Variants in RAD51B observed in about 807,000 individuals in gnomAD.
RAD51B encodes the protein RAD51 paralog B, also known as DNA repair protein RAD51 homolog 2.
Under a neutral mutation model 42.2 loss-of-function variants are expected in RAD51B, and 38 were observed. The observed-to-expected ratio is 0.90, with a 90% CI of 0.70 to 1.18. The LOEUF (loss-of-function observed/expected upper bound fraction) is 1.18. Among genes scored for constraint, RAD51B ranks in the 50% most tolerant of loss-of-function variants. The pLI, the probability that RAD51B is intolerant of heterozygous loss-of-function variation, is 0.00. For synonymous variants in RAD51B, 154 were observed against 145.2 expected (o/e 1.06, Z -0.43); for missense variants, 373 against 400.7 (o/e 0.93, Z 0.59).
At chr14:68,395,647 G>T (rs1483927482) in intron 8 of RAD51B, among the ~76,000 whole-genome samples, 1 of 152,128 alleles carries the variant, frequency 6.6e-6, no homozygotes, top group Non-Finnish European at 1.5e-5. Context: ...GGCTTCTGTG[G>T]ATCTGGTACA....
intron 7 of RAD51B, among the ~76,000 whole-genome samples, chr14:68,150,152 T>C (rs1358027022): frequency 6.6e-6 from 1 of 152,092 alleles, no homozygotes; most frequent in African/African-American, 2.4e-5. Context: ...ACCATGTTGG[T>C]CAGGCTAGTC....
intron 10 of RAD51B, among the ~76,000 whole-genome samples, chr14:68,633,918 G>A (rs1892289769): frequency 1.3e-5 from 2 of 152,262 alleles, no homozygotes; most frequent in East Asian, 1.9e-4. Context: ...GTGGTAGCCA[G>A]AAGCAACTGC....
downstream of RAD51B, among the ~76,000 whole-genome samples, chr14:68,613,083 A>G (rs1442988520): frequency 1.3e-5 from 2 of 152,188 alleles, no homozygotes; most frequent in African/African-American, 2.4e-5. Flanking sequence ...CCCATGACTA[A>G]TAGTCCAGGT....
At chr14:68,412,012 A>G (rs2084434259) in intron 9 of RAD51B, among the ~76,000 whole-genome samples, 1 of 152,226 alleles carries the variant, frequency 6.6e-6, no homozygotes, top group South Asian at 2.1e-4. Context: ...AAAGTACTGA[A>G]TGATGCTAGA....
intron 7 of RAD51B, among the ~76,000 whole-genome samples, chr14:67,926,972 C>T (rs1445221659): frequency 6.6e-6 from 1 of 152,206 alleles, no homozygotes; most frequent in Non-Finnish European, 1.5e-5. Context: ...TGAAAACCTT[C>T]AGTAACTCAT....
Position 67,921,567 on chromosome 14 carries a change from TCACACACACACACACACACACACACA to T in RAD51B, c.756+34394_756+34419del, listed in dbSNP as rs3219795. ...CTATGTGCATGTACATATGTGCACA[TCACACACACACACACACACACACACA>T]CACACACACACACACACACACACAC... On this transcript the variant is annotated intron_variant, in intron 7 of 10. Coordinates refer to ENST00000471583, the MANE Select transcript of RAD51B (RefSeq NM_133510.4). Among the ~76,000 whole-genome samples, 18 of 125,946 alleles carry T rather than the reference TCACACACACACACACACACACACACA, an allele frequency of 1.4e-4. No homozygotes were observed. In the South Asian group the frequency reaches 2.1e-3, roughly 14 times the overall value. The allele number at this position is 125,946 out of a possible 152,430, so 82.6% of individuals were successfully genotyped here. A position where few individuals can be genotyped will look rare whatever the true frequency, so the allele number is the denominator to read the frequency against.
chr14:68,667,151 G>A (rs367745279), intron 11 of RAD51B, among the ~76,000 whole-genome samples: 12 of 152,230 alleles, frequency 7.9e-5, no homozygotes, highest in African/African-American at 2.7e-4. Context: ...GGGAATTGAC[G>A]TATGTGACGG....
intron 3 of RAD51B, among the ~76,000 whole-genome samples, chr14:67,833,050 C>A (rs532059261): frequency 2.2e-4 from 34 of 152,246 alleles, no homozygotes; most frequent in African/African-American, 7.9e-4. Context: ...TGTATAATTT[C>A]TTGTGGACAA....
chr14:68,343,190 A>G (rs960030601), intron 8 of RAD51B, among the ~76,000 whole-genome samples: 5 of 152,200 alleles, frequency 3.3e-5, no homozygotes, highest in Non-Finnish European at 1.5e-5. Context: ...TGTACAGTAC[A>G]TAATTATTCA....
chr14:68,586,528 A>G (rs572502091), intron 10 of RAD51B, among the ~76,000 whole-genome samples: 13 of 152,310 alleles, frequency 8.5e-5, no homozygotes, highest in Admixed American at 3.9e-4. Context: ...ACCAGGGAGT[A>G]AAGGGAGACC....
At chr14:68,569,473 A>G (rs1359059013) in intron 10 of RAD51B, among the ~76,000 whole-genome samples, 1 of 152,228 alleles carries the variant, frequency 6.6e-6, no homozygotes, top group Non-Finnish European at 1.5e-5. Flanking sequence ...CACAAGTTAC[A>G]GGGAACCTGT....
intron 10 of RAD51B, among the ~76,000 whole-genome samples, chr14:68,566,478 T>C (rs1166473472): frequency 2.0e-5 from 3 of 152,216 alleles, no homozygotes; most frequent in South Asian, 2.1e-4. Flanking sequence ...GCACTGCTTG[T>C]CTTGTATGCC....
At chr14:68,128,565 G>A (rs10873212) in intron 7 of RAD51B, among the ~76,000 whole-genome samples, 15,685 of 152,082 alleles carry the variant, frequency 0.1, 2,455 homozygotes, top group African/African-American at 0.34. Flanking sequence ...GGTGTTACAC[G>A]CCTGTAGCCC....
chr14:68,583,660 T>C (rs1890315251), intron 10 of RAD51B, among the ~76,000 whole-genome samples: 1 of 152,152 alleles, frequency 6.6e-6, no homozygotes, highest in South Asian at 2.1e-4. Context: ...TGAGCACACA[T>C]GTGTGGGCAC....
At chr14:68,415,384 T>A (rs548622461) in intron 9 of RAD51B, among the ~76,000 whole-genome samples, 1 of 152,156 alleles carries the variant, frequency 6.6e-6, no homozygotes, top group Admixed American at 6.5e-5. Flanking sequence ...GAGCAGAGGG[T>A]TTGGGCACTC....
At chr14:68,013,408 T>C (rs930548405) in intron 7 of RAD51B, among the ~76,000 whole-genome samples, 2 of 152,142 alleles carry the variant, frequency 1.3e-5, no homozygotes, top group African/African-American at 4.8e-5. Context: ...GACTCTACCA[T>C]GTGATGGGTG....
intron 5 of RAD51B, among the ~76,000 whole-genome samples, chr14:67,869,970 G>A (rs1215343876): frequency 1.1e-4 from 16 of 151,588 alleles, no homozygotes; most frequent in South Asian, 6.3e-4. Flanking sequence ...GGTACCAGCC[G>A]CTGCAAAATC....
At chr14:68,121,911 A>G (rs2077658559) in intron 7 of RAD51B, among the ~76,000 whole-genome samples, 1 of 151,990 alleles carries the variant, frequency 6.6e-6, no homozygotes, top group Non-Finnish European at 1.5e-5. Flanking sequence ...GGGACATCCA[A>G]AAATAAATGT....
chr14:67,831,536 C>T (rs2041045904), intron 3 of RAD51B, among the ~76,000 whole-genome samples: 1 of 151,910 alleles, frequency 6.6e-6, no homozygotes, highest in African/African-American at 2.4e-5. Flanking sequence ...TCTGTTAGTT[C>T]ATTTTATTCC....
Sources: gnomAD v4.1 joint callset for allele counts (sites outside exome capture counted in the v4.1 genomes callset) on GRCh38, gnomAD v4.1.1 for gene constraint, MANE v1.5 for transcripts, NCBI Gene and HGNC (gene_info 2026-07-23, HGNC 2026-07-21) for gene names.